Variants in CSMD1 observed in about 807,000 individuals in gnomAD.
The protein encoded by CSMD1 is CUB and Sushi multiple domains 1, also known as CUB and sushi domain-containing protein 1.
A neutral mutation model predicts 417.5 loss-of-function variants in CSMD1; 213 were observed. The ratio of observed to expected loss-of-function variants is 0.51; its 90% CI spans 0.46 to 0.57. CSMD1 has a LOEUF of 0.57. Among genes scored for constraint, CSMD1 ranks in the 20% least tolerant of loss-of-function variants. The probability of loss-of-function intolerance (pLI) is 0.00; values close to 1 mark genes in which losing one functional copy is unlikely to be tolerated. For synonymous variants in CSMD1, 2,862 were observed against 1,736.8 expected, an observed-to-expected ratio of 1.65 and a Z score of -16.11; for missense variants, 6,923 against 4,529.7, an observed-to-expected ratio of 1.53 and a Z score of -15.17.
intron 54 of CSMD1, among the ~76,000 whole-genome samples, chr8:2,994,980 C>G (rs1048044276): frequency 1.3e-5 from 2 of 152,144 alleles, no homozygotes; most frequent in African/African-American, 4.8e-5. Context: ...AATAGAGGAA[C>G]ACTTCAAGAT....
chr8:3,273,383 C>G (rs1214418739), intron 26 of CSMD1, among the ~76,000 whole-genome samples: 6 of 152,074 alleles, frequency 3.9e-5, no homozygotes, highest in Admixed American at 6.6e-5. Context: ...GGATATTGGT[C>G]TAAAATTCTC....
intron 3 of CSMD1, among the ~76,000 whole-genome samples, chr8:4,252,011 C>A (rs765726884): frequency 8.6e-5 from 13 of 151,940 alleles, no homozygotes; most frequent in Non-Finnish European, 1.9e-4. Flanking sequence ...AGAGAACTTA[C>A]GTATTTTTGA....
chr8:3,523,682 CAG>C (rs200970101), intron 10 of CSMD1, among the ~76,000 whole-genome samples: 1,611 of 151,732 alleles, frequency 0.011, 14 homozygotes, highest in South Asian at 0.03. Context: ...CACGTACACC[CAG>C]AGAGACATAT....
At chr8:4,410,506 A>G (rs375750870) in intron 3 of CSMD1, among the ~76,000 whole-genome samples, 2 of 152,216 alleles carry the variant, frequency 1.3e-5, no homozygotes, top group African/African-American at 2.4e-5. Context: ...TAGTTACTGT[A>G]TAAGAGAGAC....
At chr8:3,293,461 A>C (rs1224911175) in intron 25 of CSMD1, among the ~76,000 whole-genome samples, 1 of 152,180 alleles carries the variant, frequency 6.6e-6, no homozygotes, top group Admixed American at 6.5e-5. Flanking sequence ...TTTTAGGTAC[A>C]CCAATCAGAC....
chr8:2,977,463 C>T (rs113442122), intron 55 of CSMD1, among the ~76,000 whole-genome samples: 23 of 152,332 alleles, frequency 1.5e-4, no homozygotes, highest in African/African-American at 2.4e-4. Context: ...TCACGTTCCA[C>T]GGTGTGTATG....
intron 3 of CSMD1, among the ~76,000 whole-genome samples, chr8:4,170,426 T>A (rs1797706212): frequency 6.6e-6 from 1 of 151,942 alleles, no homozygotes; most frequent in South Asian, 2.1e-4. Flanking sequence ...ACCTTGAATT[T>A]AAAATGTTCA....
At chr8:3,907,991 C>T (rs896690350) in intron 5 of CSMD1, among the ~76,000 whole-genome samples, 2 of 152,038 alleles carry the variant, frequency 1.3e-5, no homozygotes, top group Non-Finnish European at 2.9e-5. Context: ...GAAATGTGCT[C>T]TGATATGTTC....
chr8:4,326,389 G>C (rs541546998), intron 3 of CSMD1, among the ~76,000 whole-genome samples: 8 of 152,150 alleles, frequency 5.3e-5, no homozygotes, highest in African/African-American at 1.2e-4. Flanking sequence ...GAGGCACTCA[G>C]ATTTTCAGCG....
At chr8:4,565,741 AATAT>A (rs1480143683) in intron 2 of CSMD1, among the ~76,000 whole-genome samples, 2 of 112,482 alleles carry the variant, frequency 1.8e-5, no homozygotes, top group African/African-American at 7.1e-5. Flanking sequence ...CCTTAAAAAA[AATAT>A]ATACATATAT....
At chr8:3,557,685 A>G (rs779939840) in intron 10 of CSMD1, among the ~76,000 whole-genome samples, 8 of 152,016 alleles carry the variant, frequency 5.3e-5, no homozygotes, top group Non-Finnish European at 1.2e-4. Context: ...ATCATTTTAC[A>G]ATTCTCTCCA....
At chr8:4,836,147 G>C (rs1014359240) in intron 1 of CSMD1, among the ~76,000 whole-genome samples, 3 of 152,098 alleles carry the variant, frequency 2.0e-5, no homozygotes, top group African/African-American at 2.4e-5. Flanking sequence ...GTTTTATAAG[G>C]CTACTTTAAA....
At chr8:4,206,896 A>C (rs1338807309) in intron 3 of CSMD1, among the ~76,000 whole-genome samples, 1 of 152,214 alleles carries the variant, frequency 6.6e-6, no homozygotes, top group Non-Finnish European at 1.5e-5. Context: ...TCAGAAACTA[A>C]ATATTTTATA....
At chr8:4,106,741 A>C (rs1454014607) in intron 3 of CSMD1, among the ~76,000 whole-genome samples, 1 of 152,176 alleles carries the variant, frequency 6.6e-6, no homozygotes. Context: ...CTTAAGTTCA[A>C]CAACAGACCC....
chr8:4,602,126 C>T (rs1800622103), intron 2 of CSMD1, among the ~76,000 whole-genome samples: 1 of 152,172 alleles, frequency 6.6e-6, no homozygotes, highest in Non-Finnish European at 1.5e-5. Flanking sequence ...GAAAATCTTT[C>T]TGCTCCCCCA....
rs2623552 is a variant in CSMD1, at chr8:3,721,357, T to C, written c.932-12866A>G. ...GTGGATTTTTACTAGTGACGGCAGA[T>C]GAAAGTGAATCATCAACGTCTCTAG... On this transcript the variant is annotated intron_variant, in intron 6 of 69. Transcript: ENST00000635120. Among the ~76,000 whole-genome samples, 657 of 152,244 alleles carry C rather than the reference T, an allele frequency of 4.3e-3. 13 individuals carry two copies. In the East Asian group the frequency reaches 0.07, roughly 16 times the overall value.
At chr8:3,993,440 C>T (rs1027924711) in intron 5 of CSMD1, among the ~76,000 whole-genome samples, 3 of 152,148 alleles carry the variant, frequency 2.0e-5, no homozygotes, top group Non-Finnish European at 4.4e-5. Context: ...TTAACTGACC[C>T]ATTCAAGCGT....
intron 5 of CSMD1, among the ~76,000 whole-genome samples, chr8:3,799,783 A>G (rs1800360291): frequency 6.6e-6 from 1 of 152,126 alleles, no homozygotes; most frequent in Non-Finnish European, 1.5e-5. Flanking sequence ...CAATTTTCAT[A>G]TCTATGAAAT....
chr8:3,543,214 C>A (rs769023533), intron 10 of CSMD1, among the ~76,000 whole-genome samples: 7 of 152,138 alleles, frequency 4.6e-5, no homozygotes, highest in Non-Finnish European at 1.0e-4. Flanking sequence ...GTCTTAGCAG[C>A]AAGGGAGGTG....
Sources: allele counts gnomAD v4.1 joint callset (sites outside exome capture counted in the v4.1 genomes callset), GRCh38; gene constraint gnomAD v4.1.1; transcripts MANE v1.5; gene names NCBI Gene and HGNC (gene_info 2026-07-23, HGNC 2026-07-21).